Variants in ITGAE observed in about 807,000 individuals in gnomAD.
The protein encoded by ITGAE is integrin alpha-E.
A neutral mutation model predicts 136.5 loss-of-function variants in ITGAE; 99 were observed. That is an observed-to-expected ratio of 0.73 (90% CI 0.62 to 0.86). ITGAE has a LOEUF of 0.86. Among genes scored for constraint, ITGAE ranks in the 40% least tolerant of loss-of-function variants. The probability of loss-of-function intolerance (pLI) is 0.00; values close to 1 mark genes in which losing one functional copy is unlikely to be tolerated. For missense variants in ITGAE, 1,447 were observed against 1,515.3 expected (o/e 0.95, Z 0.75); for synonymous variants, 613 against 591.8 (o/e 1.04, Z -0.52).
rs1211021741 is a variant in ITGAE, at chr17:3,759,414, A to G, written c.854T>C (p.Met285Thr). The G allele has an allele frequency of 6.2e-7, 1 of 1,613,778 alleles. No individual in the cohort carries two copies. The highest frequency in any genetic ancestry group is 8.5e-7 in the Non-Finnish European group (1 of 1,179,734). Residue 285 changes from methionine (M) to threonine (T), a missense_variant, in exon 8 of 31, where the codon ATG becomes ACG. Coordinates refer to ENST00000263087, the MANE Select transcript of ITGAE (RefSeq NM_002208.5). ...CCCCCACACTCACAAGACGTGTTGCATGGCTGAGGCAGTCTTGGTGACACT... is the reference window on the plus strand; with the variant it reads ...CCCCCACACTCACAAGACGTGTTGCGTGGCTGAGGCAGTCTTGGTGACACT... ...VGSVTKTASA[M>T]QHVLDSIFTS...
In ITGAE at chr17:3,724,151, C is replaced by T. The variant is rs2051144146; in HGVS notation, c.3085-407G>A. 3 of 1,594,856 alleles carry T rather than the reference C, an allele frequency of 1.9e-6. No individual in the cohort carries two copies. In the African/African-American group the frequency reaches 4.0e-5, roughly 21 times the overall value. ...ACGATCCCGACGACCCCGACTTCCC[C>T]GGCAGCCCGGTGAGGCGGCGGCGGA... is the stretch of plus-strand genomic sequence containing the variant. On this transcript the variant is annotated intron_variant, in intron 26 of 30. Coordinates refer to ENST00000263087, the MANE Select transcript of ITGAE (RefSeq NM_002208.5).
intron 15 of ITGAE, among the ~76,000 whole-genome samples, chr17:3,750,889 T>C (rs1353654911): frequency 1.3e-5 from 2 of 150,170 alleles, no homozygotes; most frequent in Admixed American, 6.6e-5. Flanking sequence ...ACTGAAGACA[T>C]GGGGTGGAAG....
intron 2 of ITGAE, among the ~76,000 whole-genome samples, chr17:3,773,388 G>T (rs985331236): frequency 6.6e-6 from 1 of 152,114 alleles, no homozygotes; most frequent in Admixed American, 6.5e-5. Context: ...CTACTAGGGA[G>T]GCTGAGGCAG....
chr17:3,723,810 G>GTCCCC, intron 26 of ITGAE, 66 bp from the exon 27 acceptor site: 1 of 1,581,998 alleles, frequency 6.3e-7, no homozygotes, highest in Non-Finnish European at 8.6e-7. Context: ...GTCCCGTCCC[G>GTCCCC]GCCCCGGCCC....
intron 18 of ITGAE, among the ~76,000 whole-genome samples, chr17:3,744,442 T>TTCTC (rs10673455): frequency 0.23 from 31,021 of 137,652 alleles, 5,740 homozygotes; most frequent in African/African-American, 0.53. Context: ...ATCAAGTTCT[T>TTCTC]TCTCTTTTTT....
intron 1 of ITGAE, among the ~76,000 whole-genome samples, chr17:3,784,056 C>T (rs920758653): frequency 2.6e-5 from 4 of 152,040 alleles, no homozygotes; most frequent in Admixed American, 1.3e-4. Context: ...GTCAGGAGAT[C>T]AAGACCATCC....
intron 12 of ITGAE, 51 bp from the exon 13 acceptor site, chr17:3,753,976 C>G: frequency 6.3e-7 from 1 of 1,589,908 alleles, no homozygotes; most frequent in Non-Finnish European, 8.6e-7. Flanking sequence ...CCCACCTGGC[C>G]TCTCTCTTGG....
chr17:3,780,042 C>T (rs973164379), intron 1 of ITGAE, among the ~76,000 whole-genome samples: 14 of 151,946 alleles, frequency 9.2e-5, no homozygotes, highest in Non-Finnish European at 1.2e-4. Context: ...GGCACGATCT[C>T]GGCTCACCGC....
At chr17:3,727,496 C>G (rs1033796026) in intron 26 of ITGAE, among the ~76,000 whole-genome samples, 5 of 151,520 alleles carry the variant, frequency 3.3e-5, no homozygotes, top group African/African-American at 1.2e-4. Context: ...GCCTCCCGGG[C>G]TCACACCATT....
In ITGAE at chr17:3,761,078, C is replaced by T. The variant is rs781162473; in HGVS notation, c.533G>A (p.Arg178Gln). 9.3e-6 allele frequency: 15 copies of T among 1,611,236 alleles called. No individual in the cohort carries two copies. Among genetic ancestry groups the T allele is most frequent in the Admixed American group, 3.3e-5 (2 of 59,974 alleles). ...EDDVNTARQR[R>Q]ALEKEEEEDK... is the part of the protein sequence containing the mutation. Reference sequence around the variant, plus strand: ...TTCCTCCTCCTCCTTCTCCAGAGCCCGGCGCTGCCTGGCTGTGTTCACATC... The same window carrying T: ...TTCCTCCTCCTCCTTCTCCAGAGCCTGGCGCTGCCTGGCTGTGTTCACATC... Residue 178 changes from arginine (R) to glutamine (Q), a missense_variant, in exon 6 of 31, where the codon CGG becomes CAG. Physicochemically the swap from Arg to Gln is conservative, Grantham distance 43. Transcript: ENST00000263087.
intron 29 of ITGAE, chr17:3,717,920 AG>A (rs1164127111): frequency 6.6e-6 from 1 of 152,210 alleles, no homozygotes; most frequent in Non-Finnish European, 1.5e-5. Context: ...GGGAAGTGAA[AG>A]GAAGTCCCAA....
chr17:3,725,311 A>T, intron 26 of ITGAE: 1 of 1,614,230 alleles, frequency 6.2e-7, no homozygotes, highest in East Asian at 2.2e-5. Flanking sequence ...AAGGCATCTG[A>T]TGCTGAAAAG....
chr17:3,772,805 A>T (rs1029019968), intron 2 of ITGAE, among the ~76,000 whole-genome samples: 3 of 152,100 alleles, frequency 2.0e-5, no homozygotes, highest in Non-Finnish European at 4.4e-5. Flanking sequence ...CAGGATCCAG[A>T]AAGGACTCTC....
In ITGAE at chr17:3,755,908, A is replaced by G. The variant is rs778256310; in HGVS notation, c.1172-11T>C. The G allele has an allele frequency of 6.3e-6, 10 of 1,589,378 alleles. No individual in the cohort carries two copies. Among genetic ancestry groups the G allele is most frequent in the South Asian group, 2.3e-5 (2 of 87,196 alleles). ...CGTCTCCAACCGTGCCTGCAAGCCAAGAAGCCCAGTGAGACTGCTGTGGGC... is the reference window on the plus strand; with the variant it reads ...CGTCTCCAACCGTGCCTGCAAGCCAGGAAGCCCAGTGAGACTGCTGTGGGC... On this transcript the variant is annotated splice_polypyrimidine_tract_variant and intron_variant, in intron 10 of 30. Transcript: ENST00000263087.
intron 16 of ITGAE, 68 bp from the exon 17 acceptor site, chr17:3,748,120 G>A: frequency 6.6e-7 from 1 of 1,509,252 alleles, no homozygotes; most frequent in Non-Finnish European, 9.0e-7. Flanking sequence ...CTGGCTGATT[G>A]GTTCATGCAT....
At chr17:3,720,568 G>A (rs2051029062) in intron 28 of ITGAE, 166 bp from the exon 29 acceptor site, 2 of 456,640 alleles carry the variant, frequency 4.4e-6, no homozygotes, top group South Asian at 6.2e-5. Flanking sequence ...GACATCTGCA[G>A]TTATTCTTCA....
intron 1 of ITGAE, among the ~76,000 whole-genome samples, chr17:3,789,533 C>T (rs1337641248): frequency 7.1e-6 from 1 of 141,792 alleles, no homozygotes; most frequent in Non-Finnish European, 1.5e-5. Context: ...TGGAGTCTCG[C>T]TCTGTCACCC....
At chr17:3,739,171 C>T (rs1393656545) in intron 20 of ITGAE, among the ~76,000 whole-genome samples, 1 of 152,184 alleles carries the variant, frequency 6.6e-6, no homozygotes, top group East Asian at 1.9e-4. Flanking sequence ...CTACCTCCTC[C>T]AGTGTGTGCC....
At chr17:3,746,583 G>A (rs1354279150) in intron 17 of ITGAE, among the ~76,000 whole-genome samples, 1 of 151,642 alleles carries the variant, frequency 6.6e-6, no homozygotes, top group African/African-American at 2.4e-5. Flanking sequence ...AGCCTCCCCC[G>A]TAGCTGGGAC....
Sources: gnomAD v4.1 joint callset for allele counts (sites outside exome capture counted in the v4.1 genomes callset) on GRCh38, gnomAD v4.1.1 for gene constraint, MANE v1.5 for transcripts, NCBI Gene and HGNC (gene_info 2026-07-23, HGNC 2026-07-21) for gene names.